The following HLCS variants were observed in gnomAD, a reference collection of about 807,000 sequenced individuals.
HLCS encodes the protein biotin--protein ligase.
A neutral mutation model predicts 75.0 loss-of-function variants in HLCS; 53 were observed. That is an observed-to-expected ratio of 0.71 (90% confidence interval 0.57 to 0.89). HLCS has a LOEUF of 0.89. Among genes scored for constraint, HLCS ranks in the 40% least tolerant of loss-of-function variants. The pLI is 0.00. For missense variants in HLCS, 966 were observed against 1,074.0 expected (o/e 0.90, Z 1.41); for synonymous variants, 431 against 428.6 (o/e 1.01, Z -0.07).
chr21:36,882,349 A>G (rs2064257603), intron 6 of HLCS, among the ~76,000 whole-genome samples: 1 of 152,072 alleles, frequency 6.6e-6, no homozygotes, highest in South Asian at 2.1e-4. Context: ...ACAGACCCGG[A>G]GAGGCTGAGT....
chr21:36,831,731 G>A (rs2062217297), intron 6 of HLCS, among the ~76,000 whole-genome samples: 1 of 152,164 alleles, frequency 6.6e-6, no homozygotes, highest in Non-Finnish European at 1.5e-5. Context: ...CAGCAGCTAT[G>A]TCATCTGGAA....
At chr21:36,759,099 C>G (rs1362968274) in intron 9 of HLCS, 7 of 471,102 alleles carry the variant, frequency 1.5e-5, no homozygotes, top group South Asian at 3.1e-5. Flanking sequence ...CTGGCTGGCA[C>G]TTGAAACACA....
intron 1 of HLCS, among the ~76,000 whole-genome samples, chr21:36,986,135 T>C (rs1452577437): frequency 2.0e-5 from 3 of 152,140 alleles, no homozygotes; most frequent in Non-Finnish European, 2.9e-5. Flanking sequence ...AGTGGGCTCC[T>C]GATAAAGGGA....
chr21:36,813,986 T>G (rs779248448), intron 6 of HLCS, among the ~76,000 whole-genome samples: 6 of 152,112 alleles, frequency 3.9e-5, no homozygotes, highest in Non-Finnish European at 8.8e-5. Flanking sequence ...GCCAGGTCCC[T>G]CCCCTAAAGC....
At chr21:36,863,585 G>T (rs1490236579) in intron 6 of HLCS, among the ~76,000 whole-genome samples, 2 of 152,298 alleles carry the variant, frequency 1.3e-5, no homozygotes, top group East Asian at 1.9e-4. Context: ...TGCAAAGCCT[G>T]TGAGTTTTTG....
upstream of HLCS, among the ~76,000 whole-genome samples, chr21:36,971,555 G>A (rs769635890): frequency 3.9e-5 from 6 of 152,070 alleles, no homozygotes; most frequent in Non-Finnish European, 5.9e-5. Context: ...CCGGCTGGGC[G>A]CGGTGGCTCA....
intron 1 of HLCS, among the ~76,000 whole-genome samples, chr21:36,964,645 T>G (rs2068472140): frequency 6.6e-6 from 1 of 152,098 alleles, no homozygotes; most frequent in African/African-American, 2.4e-5. Context: ...AGAGCAGAGT[T>G]ACAGAATCCA....
intron 5 of HLCS, among the ~76,000 whole-genome samples, chr21:36,925,627 A>C (rs1238857697): frequency 6.6e-6 from 1 of 152,158 alleles, no homozygotes; most frequent in African/African-American, 2.4e-5. Flanking sequence ...ACTGGCAGGC[A>C]ACTCTGCAGG....
At chr21:36,782,928 G>A (rs1601227020) in intron 6 of HLCS, among the ~76,000 whole-genome samples, 1 of 151,620 alleles carries the variant, frequency 6.6e-6, no homozygotes, top group East Asian at 1.9e-4. Context: ...AGACTGCCGA[G>A]ATCACACCAC....
At chr21:36,816,361 A>C (rs1601375130) in intron 6 of HLCS, among the ~76,000 whole-genome samples, 2 of 151,058 alleles carry the variant, frequency 1.3e-5, no homozygotes, top group South Asian at 4.2e-4. Context: ...ACACCACTGC[A>C]CTCCAGCCTG....
intron 6 of HLCS, among the ~76,000 whole-genome samples, chr21:36,836,201 G>A (rs944282010): frequency 6.6e-6 from 1 of 151,908 alleles, no homozygotes; most frequent in Non-Finnish European, 1.5e-5. Flanking sequence ...GGTAAGGGCC[G>A]ATGTCCTTCC....
At chr21:36,806,800 G>T (rs375266951) in intron 6 of HLCS, among the ~76,000 whole-genome samples, 6 of 152,182 alleles carry the variant, frequency 3.9e-5, no homozygotes, top group Non-Finnish European at 5.9e-5. Context: ...AGAAACCCAC[G>T]ATTTCCGTGT....
In HLCS at chr21:36,753,221, C is replaced by T. The variant is rs755005656; in HGVS notation, c.*1025G>A. On this transcript the variant is annotated 3_prime_UTR_variant, in exon 11 of 11. Transcript: ENST00000674895. The surrounding 1 kb of genome is among the most constrained non-coding windows in gnomAD (Gnocchi z 4.3). ...CCTCTGAACTGATGGTGTTTAGTAT[C>T]GATAACATTTTCTTTCTTGGTAATA... is the stretch of plus-strand genomic sequence containing the variant. 2.0e-5 allele frequency: 3 copies of T among 152,600 alleles called. No homozygotes were observed. The highest frequency in any genetic ancestry group is 2.1e-4 in the South Asian group (1 of 4,816). The allele number at this position is 152,600 out of a possible 1,614,324, so 9.5% of individuals were successfully genotyped here.
intron 6 of HLCS, among the ~76,000 whole-genome samples, chr21:36,843,249 G>A (rs12152092): frequency 0.12 from 17,791 of 152,168 alleles, 1,793 homozygotes; most frequent in African/African-American, 0.26. Context: ...GACCAGCCTG[G>A]GAAACATGGC....
chr21:36,945,185 T>C (rs539487252), intron 2 of HLCS, among the ~76,000 whole-genome samples: 10 of 152,040 alleles, frequency 6.6e-5, no homozygotes, highest in Admixed American at 6.5e-4. Context: ...TCTGAAGATC[T>C]ACTGTACGTC....
intron 6 of HLCS, among the ~76,000 whole-genome samples, chr21:36,831,865 A>C (rs1350117842): frequency 1.3e-5 from 2 of 152,144 alleles, no homozygotes; most frequent in African/African-American, 2.4e-5. Context: ...ACTGGTTCTA[A>C]ATCACTGGCT....
chr21:36,793,963 G>A (rs979019910), intron 6 of HLCS, among the ~76,000 whole-genome samples: 3 of 152,206 alleles, frequency 2.0e-5, no homozygotes, highest in African/African-American at 7.2e-5. Context: ...GTGGACAGCT[G>A]TTTAGAAGCC....
intron 6 of HLCS, among the ~76,000 whole-genome samples, chr21:36,790,272 G>T (rs1035125992): frequency 1.3e-5 from 2 of 151,908 alleles, no homozygotes; most frequent in Admixed American, 6.6e-5. Flanking sequence ...GGTGTGGTGG[G>T]GTGCACCTGT....
chr21:36,769,257 C>T (rs1033544111), intron 6 of HLCS, among the ~76,000 whole-genome samples: 20 of 152,170 alleles, frequency 1.3e-4, no homozygotes, highest in African/African-American at 4.8e-4. Context: ...AGGAGGGAGA[C>T]AACCGGGGAA....
Sources: allele counts gnomAD v4.1 joint callset (sites outside exome capture counted in the v4.1 genomes callset), GRCh38; gene constraint gnomAD v4.1.1; non-coding constraint Gnocchi (gnomAD v3.1); transcripts MANE v1.5; gene names NCBI Gene and HGNC (gene_info 2026-07-23, HGNC 2026-07-21).